The following REV1 variants were observed in gnomAD, a reference collection of about 807,000 sequenced individuals.
REV1 encodes translesion synthesis protein REV1.
In REV1, 42 loss-of-function variants were observed where a neutral mutation model predicts 137.4. That is an observed-to-expected ratio of 0.31 (90% CI 0.24 to 0.40). The LOEUF (loss-of-function observed/expected upper bound fraction) is 0.40, where lower values mean the gene tolerates loss of function less well. REV1 is among the 10% of genes least tolerant of loss of function. The pLI is 1.00. For missense variants in REV1, 1,282 were observed against 1,490.1 expected, an observed-to-expected ratio of 0.86 and a Z score of 2.30; for synonymous variants, 524 against 519.2, an observed-to-expected ratio of 1.01 and a Z score of -0.12.
At chr2:99,427,771 AT>A (rs922893737) in intron 9 of REV1, among the ~76,000 whole-genome samples, 20 of 149,882 alleles carry the variant, frequency 1.3e-4, no homozygotes, top group African/African-American at 2.2e-4. Flanking sequence ...TTACGGCTGC[AT>A]TTTTTTTTTC....
At chr2:99,484,952 G>C (rs531458958) in intron 1 of REV1, among the ~76,000 whole-genome samples, 5 of 152,104 alleles carry the variant, frequency 3.3e-5, no homozygotes, top group Non-Finnish European at 7.3e-5. Context: ...GGTAGCTGTA[G>C]ATATTAATTA....
chr2:99,457,539 G>A (rs1464209993), intron 3 of REV1, among the ~76,000 whole-genome samples: 1 of 152,106 alleles, frequency 6.6e-6, no homozygotes, highest in African/African-American at 2.4e-5. Flanking sequence ...CAAAAAATGA[G>A]CTGGGCATCA....
chr2:99,420,436 G>A (rs897448416), intron 11 of REV1, among the ~76,000 whole-genome samples: 1 of 152,112 alleles, frequency 6.6e-6, no homozygotes. Flanking sequence ...GAGCCCACCA[G>A]AATTACTCAA....
At chr2:99,454,550 CAAAAAAAAAAAAAAAAAAA>C (rs373850478) in intron 3 of REV1, among the ~76,000 whole-genome samples, 33 of 82,360 alleles carry the variant, frequency 4.0e-4, no homozygotes, top group South Asian at 6.1e-4. Context: ...AACTCCAGCT[CAAAAAAAAAAAAAAAAAAA>C]AAAAAAAAAA....
At chr2:99,409,798 G>A (rs369223586) in intron 14 of REV1, among the ~76,000 whole-genome samples, 140 of 142,262 alleles carry the variant, frequency 9.8e-4, no homozygotes, top group African/African-American at 3.5e-3. Context: ...AGCCGAGATC[G>A]CACCACTGCC....
intron 8 of REV1, among the ~76,000 whole-genome samples, chr2:99,433,397 T>C (rs1680357127): frequency 6.6e-6 from 1 of 152,170 alleles, no homozygotes; most frequent in Non-Finnish European, 1.5e-5. Context: ...TAAATATGTA[T>C]CTGCAATTAT....
intron 11 of REV1, among the ~76,000 whole-genome samples, chr2:99,420,047 G>A (rs1287464542): frequency 6.6e-6 from 1 of 152,128 alleles, no homozygotes; most frequent in Non-Finnish European, 1.5e-5. Flanking sequence ...GGATTCACAT[G>A]ATCACTTATA....
intron 3 of REV1, among the ~76,000 whole-genome samples, chr2:99,452,617 T>C (rs1357746154): frequency 1.3e-5 from 2 of 152,144 alleles, no homozygotes; most frequent in East Asian, 1.9e-4. Context: ...TACTGTCAGA[T>C]TCCCCCCTGG....
Position 99,442,406 on chromosome 2 carries a change from C to T in REV1, c.414G>A (p.Val138=), listed in dbSNP as rs1394273231. The T allele has an allele frequency of 6.2e-6, 10 of 1,613,778 alleles. No homozygotes were observed. The Admixed American group carries it at 1.7e-4, about 27-fold the overall frequency. The change falls in exon 5 of 23, where the codon GTG becomes GTA. Residue 138 remains valine (V), a synonymous_variant. Coordinates refer to ENST00000258428, the MANE Select transcript of REV1 (RefSeq NM_016316.4). ...CAGGATTAAAGCTGAGACCTTTCTGCACACTGGACTGCTTGGTGTACAGCT... is the reference window on the plus strand; with the variant it reads ...CAGGATTAAAGCTGAGACCTTTCTGTACACTGGACTGCTTGGTGTACAGCT... ...PYQLYTKQSS[V]QKGLSFNPVC...
chr2:99,466,443 T>G (rs1029477612), intron 1 of REV1, among the ~76,000 whole-genome samples: 3 of 151,984 alleles, frequency 2.0e-5, no homozygotes, highest in African/African-American at 7.3e-5. Context: ...GGTTTCACCA[T>G]GTTGGCCAGG....
rs920454227 is a variant in REV1 at position 99,462,691 on chromosome 2, A to T, written c.55-69T>A. 3.3e-6 allele frequency: 5 copies of T among 1,509,788 alleles called. No homozygotes were observed. The South Asian group carries it at 6.2e-5, about 19-fold the overall frequency. The allele number at this position is 1,509,788 out of a possible 1,614,324, so 93.5% of individuals were successfully genotyped here. The stretch of plus-strand genomic sequence containing the variant: ...TCTCCCCCCTTTTTTGAAAAAAAAA[A>T]ATTTTAAAAACTAAATAAATAAATG... On this transcript the variant is annotated intron_variant, in intron 2 of 22. Transcript: ENST00000258428.
chr2:99,458,862 A>G (rs1683825242), intron 3 of REV1, among the ~76,000 whole-genome samples: 1 of 152,196 alleles, frequency 6.6e-6, no homozygotes. Context: ...GGAGTTAAGG[A>G]AAGGCGGAGA....
intron 6 of REV1, among the ~76,000 whole-genome samples, chr2:99,437,150 T>G (rs534817195): frequency 6.6e-6 from 1 of 151,916 alleles, no homozygotes; most frequent in South Asian, 2.1e-4. Flanking sequence ...CAGCTAATTT[T>G]TTTTTTCTTT....
At chr2:99,469,831 T>C (rs1453298450) in intron 1 of REV1, among the ~76,000 whole-genome samples, 1 of 152,298 alleles carries the variant, frequency 6.6e-6, no homozygotes, top group East Asian at 1.9e-4. Context: ...ATTATGTTTA[T>C]CACCAGGAAC....
At chr2:99,465,815 GCCT>G (rs1349144773) in intron 1 of REV1, among the ~76,000 whole-genome samples, 70 of 152,098 alleles carry the variant, frequency 4.6e-4, no homozygotes, top group African/African-American at 1.5e-3. Flanking sequence ...ACCATATGAA[GCCT>G]TATATATTAT....
At chr2:99,402,092 T>G in intron 22 of REV1, 152 bp downstream of exon 22, 1 of 526,954 alleles carries the variant, frequency 1.9e-6, no homozygotes, top group South Asian at 2.5e-5. Context: ...GAACCTTATT[T>G]GCTACTTAGT....
chr2:99,463,755 C>A (rs1300145897), intron 2 of REV1, among the ~76,000 whole-genome samples: 2 of 152,078 alleles, frequency 1.3e-5, no homozygotes, highest in African/African-American at 2.4e-5. Flanking sequence ...TCCCAAGTAG[C>A]TGGGATTATA....
chr2:99,405,026 G>A (rs1258029548), intron 17 of REV1, among the ~76,000 whole-genome samples: 1 of 152,228 alleles, frequency 6.6e-6, no homozygotes, highest in Non-Finnish European at 1.5e-5. Flanking sequence ...CCACCCCAGG[G>A]AGGGGTGAAG....
At chr2:99,445,473 G>A (rs1392170113) in intron 4 of REV1, among the ~76,000 whole-genome samples, 3 of 152,064 alleles carry the variant, frequency 2.0e-5, no homozygotes, top group Admixed American at 6.6e-5. Flanking sequence ...CAATCTACAA[G>A]GATCAACACA....
Sources: allele counts gnomAD v4.1 joint callset (sites outside exome capture counted in the v4.1 genomes callset), GRCh38; gene constraint gnomAD v4.1.1; transcripts MANE v1.5; gene names NCBI Gene and HGNC (gene_info 2026-07-23, HGNC 2026-07-21).